The following ABHD18 variants were observed in gnomAD, a reference collection of about 807,000 sequenced individuals.
The protein encoded by ABHD18 is cardiolipin-specific deacylase, mitochondrial.
Under a neutral mutation model 65.9 loss-of-function variants are expected in ABHD18, and 55 were observed. That is an observed-to-expected ratio of 0.84 (90% CI 0.67 to 1.05). The LOEUF (loss-of-function observed/expected upper bound fraction) is 1.05. Among genes scored for constraint, ABHD18 ranks in the 50% least tolerant of loss-of-function variants. The pLI is 0.00. For missense variants in ABHD18, 533 were observed against 558.5 expected, an observed-to-expected ratio of 0.95 and a Z score of 0.46; for synonymous variants, 181 against 180.2, an observed-to-expected ratio of 1.00 and a Z score of -0.04.
At chr4:127,974,129 T>G (rs1466720099) in intron 1 of ABHD18, among the ~76,000 whole-genome samples, 2 of 151,672 alleles carry the variant, frequency 1.3e-5, no homozygotes, top group Non-Finnish European at 1.5e-5. Context: ...TATTAAAAGC[T>G]TCCAACTATT....
In ABHD18 at chr4:127,983,007, CTT is replaced by C. The variant is rs1465517144; in HGVS notation, c.56_57del (p.Phe19TyrfsTer15). 2.6e-6 allele frequency: 4 copies of C among 1,563,710 alleles called. No homozygotes were observed. The highest frequency in any genetic ancestry group is 2.4e-5 in the South Asian group (2 of 84,852). ...ATACCGGAGACTTCTCCTAACAAAACTTTTTATCAGAGGATGGGGAAGGCCAG... is the reference window on the plus strand; with the variant it reads ...ATACCGGAGACTTCTCCTAACAAAACTTTATCAGAGGATGGGGAAGGCCAG... The part of the protein sequence containing the change: ...ILYRRLLLTK[L>X]FIRGWGRPED... On this transcript the variant is annotated frameshift_variant, in exon 2 of 13. Transcript: ENST00000645843. LOFTEE classifies it high-confidence loss of function.
At chr4:127,987,146 G>A (rs1328679232) in intron 3 of ABHD18, among the ~76,000 whole-genome samples, 1 of 152,076 alleles carries the variant, frequency 6.6e-6, no homozygotes, top group African/African-American at 2.4e-5. Context: ...GAGGTCAGGA[G>A]TTCGAGACCA....
chr4:128,032,800 T>C (rs1758392397), intron 12 of ABHD18, among the ~76,000 whole-genome samples: 1 of 152,206 alleles, frequency 6.6e-6, no homozygotes, highest in African/African-American at 2.4e-5. Context: ...TTAGAGCTTA[T>C]TGATAATACA....
intron 4 of ABHD18, among the ~76,000 whole-genome samples, chr4:128,003,005 G>A (rs1752939103): frequency 6.6e-6 from 1 of 151,938 alleles, no homozygotes; most frequent in Admixed American, 6.6e-5. Context: ...AATTTTTGTT[G>A]TTCACCACTT....
intron 10 of ABHD18, among the ~76,000 whole-genome samples, chr4:128,024,560 T>C (rs939119077): frequency 1.3e-5 from 2 of 152,240 alleles, no homozygotes; most frequent in African/African-American, 4.8e-5. Context: ...TTTATTGATG[T>C]CCCACTCTGA....
intron 4 of ABHD18, among the ~76,000 whole-genome samples, chr4:128,005,558 G>A (rs1028125297): frequency 6.6e-6 from 1 of 152,086 alleles, no homozygotes; most frequent in Non-Finnish European, 1.5e-5. Context: ...AAATTTCTGG[G>A]CTCCAGTGAT....
chr4:127,976,753 AT>A (rs1372647635), intron 1 of ABHD18, among the ~76,000 whole-genome samples: 1 of 152,200 alleles, frequency 6.6e-6, no homozygotes, highest in Non-Finnish European at 1.5e-5. Context: ...TTTTTAAAAT[AT>A]CCTTTAGCCA....
rs750215768 is a variant in ABHD18, at chr4:128,030,529, C to T, written c.1200C>T (p.Leu400=). Residue 400 remains leucine (L), a synonymous_variant, in exon 12 of 13, where the codon CTC becomes CTT. Coordinates refer to ENST00000645843, the MANE Select transcript of ABHD18 (RefSeq NM_001358451.3). ...ANFSVPVDPS[L]IIVVQAKEDA... ...ACCTAGTCCCAGTTGATCCAAGCCT[C>T]ATTATAGTGGTTCAAGCCAAAGAAG... The T allele has an allele frequency of 9.5e-6, 15 of 1,581,516 alleles. No homozygotes were observed. The highest frequency in any genetic ancestry group is 1.1e-5 in the Non-Finnish European group (13 of 1,171,740).
intron 1 of ABHD18, among the ~76,000 whole-genome samples, chr4:127,974,198 T>G (rs113018119): frequency 0.021 from 2,869 of 136,578 alleles, 89 homozygotes; most frequent in African/African-American, 0.062. Context: ...GTTTTTTTTT[T>G]TTTTTTTTTT....
intron 10 of ABHD18, among the ~76,000 whole-genome samples, chr4:128,027,580 A>G (rs1757568565): frequency 6.6e-6 from 1 of 151,898 alleles, no homozygotes; most frequent in Non-Finnish European, 1.5e-5. Context: ...TAAATTTTGT[A>G]TTTTTAGTAG....
intron 4 of ABHD18, among the ~76,000 whole-genome samples, chr4:127,996,032 G>T (rs892283490): frequency 3.9e-5 from 6 of 152,200 alleles, no homozygotes; most frequent in Admixed American, 6.5e-5. Context: ...CTGAATTAGG[G>T]CTTGCTGGAA....
At chr4:127,993,911 G>A (rs1467660226) in intron 4 of ABHD18, among the ~76,000 whole-genome samples, 2 of 152,090 alleles carry the variant, frequency 1.3e-5, no homozygotes, top group Admixed American at 6.5e-5. Flanking sequence ...TAAGATTTGC[G>A]CAGATTTTAA....
chr4:127,983,943 G>T (rs1749509201), intron 2 of ABHD18, among the ~76,000 whole-genome samples: 1 of 152,146 alleles, frequency 6.6e-6, no homozygotes, highest in Non-Finnish European at 1.5e-5. Flanking sequence ...GGAGAGTGAA[G>T]CAGGAGAATT....
chr4:128,001,886 C>A, intron 4 of ABHD18: 1 of 1,093,500 alleles, frequency 9.1e-7, no homozygotes, highest in South Asian at 2.3e-5. Context: ...CTCAGAAGAC[C>A]CTTTCAGTTT....
chr4:127,975,144 GT>G (rs1322425692), intron 1 of ABHD18, among the ~76,000 whole-genome samples: 1 of 150,402 alleles, frequency 6.6e-6, no homozygotes, highest in African/African-American at 2.4e-5. Flanking sequence ...TTTTTTTCTT[GT>G]GGTAAAATAC....
At chr4:128,004,262 G>A (rs1272556893) in intron 4 of ABHD18, among the ~76,000 whole-genome samples, 1 of 151,726 alleles carries the variant, frequency 6.6e-6, no homozygotes, top group Non-Finnish European at 1.5e-5. Flanking sequence ...GACCAGCCTG[G>A]CCAACGTGGT....
chr4:127,990,571 A>AT (rs1258292858), intron 4 of ABHD18, among the ~76,000 whole-genome samples: 5 of 150,658 alleles, frequency 3.3e-5, no homozygotes, highest in African/African-American at 7.3e-5. Flanking sequence ...CAAAAAAAAA[A>AT]TTTTTTTTTT....
At chr4:128,007,347 A>G (rs1045204602) in intron 4 of ABHD18, among the ~76,000 whole-genome samples, 1 of 151,590 alleles carries the variant, frequency 6.6e-6, no homozygotes, top group Admixed American at 6.6e-5. Context: ...AAAAAAAAAA[A>G]AGGTTAAAAT....
At chr4:128,024,938 C>T (rs554834476) in intron 10 of ABHD18, among the ~76,000 whole-genome samples, 20 of 152,196 alleles carry the variant, frequency 1.3e-4, no homozygotes, top group Non-Finnish European at 2.4e-4. Context: ...GTGATCCTCC[C>T]ACCTCGGCCT....
Sources: allele counts gnomAD v4.1 joint callset (sites outside exome capture counted in the v4.1 genomes callset), GRCh38; gene constraint gnomAD v4.1.1; transcripts MANE v1.5; gene names NCBI Gene and HGNC (gene_info 2026-07-23, HGNC 2026-07-21).